SLC24A2: variants seen among roughly 807,000 people sequenced by gnomAD.
SLC24A2 encodes the protein solute carrier family 24 member 2.
SLC24A2 carries 36 observed loss-of-function variants against 62.0 expected under a neutral mutation model. That is an observed-to-expected ratio of 0.58 (90% confidence interval 0.44 to 0.77). The LOEUF (loss-of-function observed/expected upper bound fraction) is 0.77, where lower values mean the gene tolerates loss of function less well. Ranked by LOEUF, SLC24A2 falls within the 30% of genes least tolerant of loss-of-function variation. The pLI, the probability that SLC24A2 is intolerant of heterozygous loss-of-function variation, is 0.00. For missense variants in SLC24A2, 846 were observed against 817.9 expected (o/e 1.03, Z -0.42); for synonymous variants, 358 against 294.0 (o/e 1.22, Z -2.23).
chr9:19,997,030 G>T, the SLC24A2 span, among the ~76,000 whole-genome samples: 43 of 151,782 alleles, frequency 2.8e-4, no homozygotes, highest in East Asian at 7.2e-3. Context: ...GCAGGCAAAA[G>T]ATGGTGAAAA....
At chr9:19,811,283 T>C in the SLC24A2 span, among the ~76,000 whole-genome samples, 3 of 152,158 alleles carry the variant, frequency 2.0e-5, no homozygotes, top group Non-Finnish European at 4.4e-5. Flanking sequence ...TTCCAGCCCC[T>C]AGATTGTGAG....
the SLC24A2 span, among the ~76,000 whole-genome samples, chr9:19,969,223 AC>A: frequency 3.9e-4 from 59 of 149,884 alleles, 2 homozygotes; most frequent in South Asian, 2.1e-3. Context: ...ACACACACAC[AC>A]ACTTCTTCCT....
At chr9:19,973,603 C>T in the SLC24A2 span, among the ~76,000 whole-genome samples, 12 of 152,276 alleles carry the variant, frequency 7.9e-5, no homozygotes, top group East Asian at 3.9e-4. Context: ...ATTTTGTCCT[C>T]ATTTGTAAAA....
Position 19,724,530 on chromosome 9 carries a change from G to C in SLC24A2, c.930+61407C>G, listed in dbSNP as rs1821116221. On this transcript the variant is annotated intron_variant, in intron 2 of 10. Coordinates refer to ENST00000341998, the MANE Select transcript of SLC24A2 (RefSeq NM_020344.4). ...TGCCTTTTTTGGAGTGTGGGTAGAG[G>C]TTGGGAGGAGACCCTGCTAAAAGCT... Among the ~76,000 whole-genome samples, 2 of 152,168 alleles carry C rather than the reference G, an allele frequency of 1.3e-5. 1 individual carries two copies. Among genetic ancestry groups the C allele is most frequent in the South Asian group, 4.1e-4 (2 of 4,836 alleles).
chr9:19,904,437 A>G, the SLC24A2 span, among the ~76,000 whole-genome samples: 2 of 152,228 alleles, frequency 1.3e-5, no homozygotes, highest in Admixed American at 1.3e-4. Flanking sequence ...AGTTTTCTAA[A>G]GACATCTGAA....
the SLC24A2 span, among the ~76,000 whole-genome samples, chr9:20,110,367 A>G: frequency 6.6e-6 from 1 of 152,186 alleles, no homozygotes; most frequent in Non-Finnish European, 1.5e-5. Context: ...TTGATATGTG[A>G]TATCAACAGT....
the SLC24A2 span, among the ~76,000 whole-genome samples, chr9:19,886,439 A>G: frequency 6.6e-6 from 1 of 152,174 alleles, no homozygotes; most frequent in East Asian, 1.9e-4. Flanking sequence ...TATATGGCAA[A>G]CAAACATATG....
At chr9:19,850,980 TATATGTATATATATATATATACAC>T in the SLC24A2 span, among the ~76,000 whole-genome samples, 2,290 of 41,606 alleles carry the variant, frequency 0.055, 216 homozygotes, top group Non-Finnish European at 0.079. Context: ...TATATATATA[TATATGTATATATATATATATACAC>T]ATACATATAT....
chr9:20,297,454 G>A, the SLC24A2 span, among the ~76,000 whole-genome samples: 16 of 152,306 alleles, frequency 1.1e-4, no homozygotes, highest in East Asian at 2.9e-3. Context: ...AGGTGGGATG[G>A]GAGGAAGGAA....
chr9:19,564,379 A>T (rs1835561807), intron 7 of SLC24A2, among the ~76,000 whole-genome samples: 1 of 152,244 alleles, frequency 6.6e-6, no homozygotes, highest in Non-Finnish European at 1.5e-5. Flanking sequence ...GTTTAGGTAA[A>T]GATAACAGTA....
At chr9:20,042,703 A>G in the SLC24A2 span, among the ~76,000 whole-genome samples, 1 of 152,158 alleles carries the variant, frequency 6.6e-6, no homozygotes, top group East Asian at 1.9e-4. Context: ...TTTTTTACAA[A>G]TTGAAGGTTT....
the SLC24A2 span, among the ~76,000 whole-genome samples, chr9:20,211,214 T>C: frequency 6.6e-6 from 1 of 152,120 alleles, no homozygotes; most frequent in Non-Finnish European, 1.5e-5. Flanking sequence ...TTTGTAATTA[T>C]AAAAATAATA....
At chr9:20,243,540 C>T in the SLC24A2 span, among the ~76,000 whole-genome samples, 881 of 152,240 alleles carry the variant, frequency 5.8e-3, 10 homozygotes, top group African/African-American at 0.02. Context: ...TATCTTCAAT[C>T]TGAGATCATT....
At chr9:20,156,706 C>A in the SLC24A2 span, among the ~76,000 whole-genome samples, 15 of 151,704 alleles carry the variant, frequency 9.9e-5, no homozygotes. Flanking sequence ...CCTAAACAAG[C>A]TTTTTCATCT....
chr9:20,240,150 T>G, the SLC24A2 span, among the ~76,000 whole-genome samples: 1 of 152,236 alleles, frequency 6.6e-6, no homozygotes, highest in Non-Finnish European at 1.5e-5. Flanking sequence ...GCACTGTCCT[T>G]TTCAAGAAGG....
chr9:19,895,810 T>C, the SLC24A2 span: 4 of 1,598,540 alleles, frequency 2.5e-6, no homozygotes, highest in Admixed American at 5.2e-5. Flanking sequence ...TCTGCTTGGG[T>C]TGCAGCTGGT....
At chr9:20,100,028 T>A in the SLC24A2 span, among the ~76,000 whole-genome samples, 1 of 152,098 alleles carries the variant, frequency 6.6e-6, no homozygotes, top group Non-Finnish European at 1.5e-5. Flanking sequence ...CATCTTTTTT[T>A]TTCTTTTTTA....
At chr9:19,529,917 T>C (rs936722411) in intron 8 of SLC24A2, among the ~76,000 whole-genome samples, 4 of 151,102 alleles carry the variant, frequency 2.6e-5, no homozygotes, top group African/African-American at 7.4e-5. Flanking sequence ...ACCCCACTAA[T>C]TTTTTTGTAT....
chr9:19,552,808 A>G (rs964141066), intron 7 of SLC24A2, among the ~76,000 whole-genome samples: 12 of 152,338 alleles, frequency 7.9e-5, no homozygotes, highest in African/African-American at 2.9e-4. Context: ...CCATCTGCCA[A>G]AGTCACCAGG....
Sources: gnomAD v4.1 joint callset for allele counts (sites outside exome capture counted in the v4.1 genomes callset) on GRCh38, gnomAD v4.1.1 for gene constraint, MANE v1.5 for transcripts, NCBI Gene and HGNC (gene_info 2026-07-23, HGNC 2026-07-21) for gene names.